STK4: variants seen among roughly 807,000 people sequenced by gnomAD.
STK4 encodes the protein serine/threonine-protein kinase 4.
In STK4, 30 loss-of-function variants were observed where a neutral mutation model predicts 64.9. That is an observed-to-expected ratio of 0.46 (90% confidence interval 0.35 to 0.63). The LOEUF is 0.63. Among genes scored for constraint, STK4 ranks in the 20% least tolerant of loss-of-function variants. STK4 has a pLI of 0.01. For synonymous variants in STK4, 177 were observed against 199.0 expected (o/e 0.89, Z 0.93); for missense variants, 466 against 598.5 (o/e 0.78, Z 2.31).
In STK4 at chr20:45,024,190, G is replaced by A. The variant is rs534332352; in HGVS notation, c.1148-783G>A. 1.2e-3 allele frequency among the ~76,000 whole-genome samples: 189 copies of A among 151,850 alleles called. 1 individual carries two copies. The highest frequency in any genetic ancestry group is 4.4e-3 in the African/African-American group (184 of 41,452). Reference sequence around the variant, plus strand: ...GCTGGGATTACAGGCGTGAGCCACCGCGCCTGACCCAGTACTAACTTATTT... The same window carrying A: ...GCTGGGATTACAGGCGTGAGCCACCACGCCTGACCCAGTACTAACTTATTT... On this transcript the variant is annotated intron_variant, in intron 9 of 10. Transcript: ENST00000372806.
At chr20:45,037,420 A>G (rs192411737) in intron 10 of STK4, among the ~76,000 whole-genome samples, 13 of 152,234 alleles carry the variant, frequency 8.5e-5, no homozygotes, top group Middle Eastern at 3.4e-3. Context: ...TCCTTGGTAT[A>G]TCAGAGAAAT....
At chr20:44,998,371 G>A (rs1384823636) in intron 7 of STK4, among the ~76,000 whole-genome samples, 1 of 152,146 alleles carries the variant, frequency 6.6e-6, no homozygotes, top group Non-Finnish European at 1.5e-5. Flanking sequence ...TGCCTCATGT[G>A]TTGTGATGAT....
intron 10 of STK4, among the ~76,000 whole-genome samples, chr20:45,039,651 T>C (rs1047508834): frequency 3.9e-5 from 6 of 152,144 alleles, no homozygotes; most frequent in Admixed American, 2.6e-4. Context: ...AAAATGACCA[T>C]TGTATTTCAG....
At chr20:44,988,533 G>GTATATATATATATATATATATATA (rs71197589) in intron 5 of STK4, among the ~76,000 whole-genome samples, 2 of 101,586 alleles carry the variant, frequency 2.0e-5, no homozygotes, top group East Asian at 3.4e-4. Context: ...ATGTGTGTGT[G>GTATATATATATATATATATATATA]TATATATATA....
chr20:45,072,080 A>G (rs1403677519), intron 10 of STK4, among the ~76,000 whole-genome samples: 1 of 152,176 alleles, frequency 6.6e-6, no homozygotes, highest in African/African-American at 2.4e-5. Context: ...CTTCTTCAAA[A>G]TGCAAAATCC....
At chr20:45,002,703 AATGATC>A (rs758663471) in intron 9 of STK4, among the ~76,000 whole-genome samples, 17 of 152,328 alleles carry the variant, frequency 1.1e-4, no homozygotes, top group Non-Finnish European at 2.1e-4. Context: ...CAGCTTCAGC[AATGATC>A]AACTCACTGC....
intron 9 of STK4, among the ~76,000 whole-genome samples, chr20:45,010,148 G>A (rs1470617231): frequency 1.3e-5 from 2 of 151,604 alleles, no homozygotes; most frequent in South Asian, 2.1e-4. Flanking sequence ...GGCTTATTGC[G>A]ACCCCTGCCT....
intron 10 of STK4, among the ~76,000 whole-genome samples, chr20:45,038,925 A>G (rs1442235025): frequency 1.3e-5 from 2 of 152,084 alleles, no homozygotes; most frequent in Non-Finnish European, 2.9e-5. Context: ...TGGCTTAGAC[A>G]GATAGATGAT....
intron 2 of STK4, chr20:44,974,645 T>C (rs1370946244): frequency 2.6e-5 from 4 of 152,138 alleles, no homozygotes; most frequent in Non-Finnish European, 5.9e-5. Flanking sequence ...TTATTTTTTG[T>C]ATTTTAGTAG....
intron 10 of STK4, among the ~76,000 whole-genome samples, chr20:45,046,754 T>C (rs1397965159): frequency 6.6e-6 from 1 of 152,034 alleles, no homozygotes; most frequent in East Asian, 1.9e-4. Flanking sequence ...TGATCTCGGC[T>C]CACTGCAACC....
At chr20:45,028,898 A>G (rs961211945) in intron 10 of STK4, among the ~76,000 whole-genome samples, 1 of 152,112 alleles carries the variant, frequency 6.6e-6, no homozygotes, top group Non-Finnish European at 1.5e-5. Context: ...TAGAGAGAGT[A>G]CTTTTTATTT....
Position 44,987,116 on chromosome 20 carries a change from C to A in STK4, c.361-16C>A. On this transcript the variant is annotated splice_polypyrimidine_tract_variant and intron_variant, in intron 4 of 10. Transcript: ENST00000372806. ...ATGTAAACTGATAGAATTTGAACTT[C>A]TTATTCTTTTTTCAGTTAACAGAAG... is the stretch of plus-strand genomic sequence containing the variant. 1 of 1,563,402 alleles carries A rather than the reference C, an allele frequency of 6.4e-7. No individual in the cohort carries two copies. Among genetic ancestry groups the A allele is most frequent in the South Asian group, 1.2e-5 (1 of 84,410 alleles).
intron 9 of STK4, among the ~76,000 whole-genome samples, chr20:45,018,767 G>C (rs1402924830): frequency 1.5e-5 from 2 of 136,176 alleles, no homozygotes; most frequent in African/African-American, 2.8e-5. Context: ...ATCTTGGTCT[G>C]TTGCCCAGGC....
chr20:44,985,981 G>C (rs888539605), intron 4 of STK4, among the ~76,000 whole-genome samples: 2 of 152,174 alleles, frequency 1.3e-5, no homozygotes, highest in Non-Finnish European at 2.9e-5. Flanking sequence ...CTGGTGTTGG[G>C]TCTGCAGAAA....
intron 9 of STK4, among the ~76,000 whole-genome samples, chr20:45,018,187 T>C (rs2068178327): frequency 6.6e-6 from 1 of 152,198 alleles, no homozygotes; most frequent in Non-Finnish European, 1.5e-5. Flanking sequence ...AGGAAAACAT[T>C]TGCAGGATTA....
intron 9 of STK4, among the ~76,000 whole-genome samples, chr20:45,004,612 C>G (rs2145704712): frequency 6.6e-6 from 1 of 151,684 alleles, no homozygotes; most frequent in South Asian, 2.1e-4. Flanking sequence ...AAGTTTTCTC[C>G]CATTCTGTAG....
intron 5 of STK4, 61 bp from the exon 6 acceptor site, chr20:44,995,029 C>A: frequency 6.9e-5 from 78 of 1,132,208 alleles, no homozygotes; most frequent in Non-Finnish European, 6.9e-5. Context: ...CTGTAGACTT[C>A]CTCTGTGGAC....
chr20:44,977,034 T>C (rs569486666), intron 2 of STK4, among the ~76,000 whole-genome samples: 2 of 152,278 alleles, frequency 1.3e-5, no homozygotes, highest in South Asian at 2.1e-4. Flanking sequence ...ACTAGTTCAG[T>C]CACTGGCAGA....
rs11397664 is a variant in STK4 at position 44,984,186 on chromosome 20, G to GTTTTTTTTTTTTTTTTTTTTTTTT, written c.360+2266_360+2267insTTTTTTTTTTTTTTTTTTTTTTTT. On this transcript the variant is annotated intron_variant, in intron 4 of 10. Coordinates refer to ENST00000372806, the MANE Select transcript of STK4 (RefSeq NM_006282.5). ...GTGCTGGTTTTTTGTTGTTGTCGTT[G>GTTTTTTTTTTTTTTTTTTTTTTTT]TTTTTTTTTTTTTTTTTTTTTTTGA... is the stretch of plus-strand genomic sequence containing the variant. Among the ~76,000 whole-genome samples the GTTTTTTTTTTTTTTTTTTTTTTTT allele has an allele frequency of 3.9e-5, 3 of 76,078 alleles. 1 individual carries two copies. The highest frequency in any genetic ancestry group is 5.2e-5 in the African/African-American group (1 of 19,052). The allele number at this position is 76,078 out of a possible 152,430, so 49.9% of individuals were successfully genotyped here. A position where few individuals can be genotyped will look rare whatever the true frequency, so the allele number is the denominator to read the frequency against.
Sources: gnomAD v4.1 joint callset for allele counts (sites outside exome capture counted in the v4.1 genomes callset) on GRCh38, gnomAD v4.1.1 for gene constraint, MANE v1.5 for transcripts, NCBI Gene and HGNC (gene_info 2026-07-23, HGNC 2026-07-21) for gene names.